The following CSF1R variants were observed in gnomAD, a reference collection of about 807,000 sequenced individuals.
CSF1R encodes the protein colony stimulating factor 1 receptor.
A neutral mutation model predicts 110.0 loss-of-function variants in CSF1R; 40 were observed. That is an observed-to-expected ratio of 0.36 (90% CI 0.28 to 0.47). CSF1R has a LOEUF of 0.47. CSF1R is among the 20% of genes least tolerant of loss of function. CSF1R has a pLI of 0.99. For synonymous variants in CSF1R, 523 were observed against 503.4 expected, an observed-to-expected ratio of 1.04 and a Z score of -0.52; for missense variants, 1,052 against 1,253.0, an observed-to-expected ratio of 0.84 and a Z score of 2.42.
At chr5:150,094,272 G>A (rs1408996184) in intron 1 of CSF1R, 2 of 1,457,638 alleles carry the variant, frequency 1.4e-6, no homozygotes, top group African/African-American at 2.8e-5. Context: ...CTTTAGAACA[G>A]AGCTTCAGTT....
chr5:150,073,263 G>T (rs772631019), intron 6 of CSF1R, 38 bp downstream of exon 6: 2 of 1,581,890 alleles, frequency 1.3e-6, no homozygotes, highest in East Asian at 4.5e-5. Flanking sequence ...ACCCCATCTG[G>T]TTGTCGGGCT....
intron 6 of CSF1R, among the ~76,000 whole-genome samples, chr5:150,070,779 A>ATCTGAAAG (rs1240016704): frequency 1.3e-5 from 2 of 152,210 alleles, no homozygotes; most frequent in African/African-American, 4.8e-5. Flanking sequence ...TGGTTTTCTT[A>ATCTGAAAG]TCTGAAAGTG....
At chr5:150,097,268 A>AGAAGGAAGGAAG (rs113029279) in intron 1 of CSF1R, among the ~76,000 whole-genome samples, 24 of 143,042 alleles carry the variant, frequency 1.7e-4, no homozygotes, top group African/African-American at 6.4e-4. Flanking sequence ...AGAAAGGGAA[A>AGAAGGAAGGAAG]GAAGGAAGGA....
chr5:150,085,803 G>A (rs1193716918), intron 1 of CSF1R, among the ~76,000 whole-genome samples: 1 of 152,122 alleles, frequency 6.6e-6, no homozygotes, highest in South Asian at 2.1e-4. Context: ...TTCCAAATCA[G>A]ATCTTGCATA....
upstream of CSF1R, among the ~76,000 whole-genome samples, chr5:150,088,167 ACTTT>A (rs1319678049): frequency 2.0e-5 from 3 of 152,176 alleles, no homozygotes; most frequent in Non-Finnish European, 2.9e-5. Context: ...GTATATATGT[ACTTT>A]CTTTTTCAGA....
intron 1 of CSF1R, among the ~76,000 whole-genome samples, chr5:150,103,239 C>T (rs181456971): frequency 2.6e-5 from 4 of 152,364 alleles, no homozygotes; most frequent in Admixed American, 2.6e-4. Context: ...CCCTGTGCCC[C>T]TTGGCGCATT....
At chr5:150,107,168 G>T (rs532239941) in intron 1 of CSF1R, among the ~76,000 whole-genome samples, 23 of 152,378 alleles carry the variant, frequency 1.5e-4, no homozygotes, top group African/African-American at 5.3e-4. Flanking sequence ...TTCAGCAAAT[G>T]CTTCATGTGT....
chr5:150,109,719 C>CT lies in CSF1R; in HGVS notation c.-181+3541dup, dbSNP rs1347882651. 4.6e-5 allele frequency among the ~76,000 whole-genome samples: 7 copies of CT among 152,302 alleles called. No homozygotes were observed. The East Asian group carries it at 1.3e-3, about 29-fold the overall frequency. On this transcript the variant is annotated intron_variant, in intron 1 of 21. Coordinates refer to the CSF1R transcript ENST00000286301. ...ATGTACTTAAAAGGGAATTTTTAGACTTCAGTGACATTTTAAATGTTTATT... is the reference window on the plus strand; with the variant it reads ...ATGTACTTAAAAGGGAATTTTTAGACTTTCAGTGACATTTTAAATGTTTATT...
chr5:150,103,688 G>A (rs767382231), intron 1 of CSF1R, among the ~76,000 whole-genome samples: 8 of 152,224 alleles, frequency 5.3e-5, no homozygotes, highest in Non-Finnish European at 1.2e-4. Context: ...GGGCCTTGAA[G>A]GAGGAGCAGC....
chr5:150,112,219 T>C lies in CSF1R; in HGVS notation c.-181+1042A>G, dbSNP rs539302046. On this transcript the variant is annotated intron_variant, in intron 1 of 21. Transcript: ENST00000286301. ...CCTCACACTTTGCCCTTGAATAAAC[T>C]TCTTTAACTAGAAAAACAAAAACAA... 1.8e-4 allele frequency among the ~76,000 whole-genome samples: 24 copies of C among 131,684 alleles called. No individual in the cohort carries two copies. The South Asian group carries it at 6.3e-3, about 35-fold the overall frequency. The allele number at this position is 131,684 out of a possible 152,430, so 86.4% of individuals were successfully genotyped here.
intron 18 of CSF1R, 144 bp downstream of exon 18, chr5:150,055,882 G>A (rs573856344): frequency 1.6e-5 from 11 of 691,862 alleles, no homozygotes; most frequent in African/African-American, 9.0e-5. Flanking sequence ...CAGGAGCCAC[G>A]ATGCTGGGTT....
At chr5:150,110,929 A>G (rs1346053782) in intron 1 of CSF1R, among the ~76,000 whole-genome samples, 2 of 145,672 alleles carry the variant, frequency 1.4e-5, no homozygotes, top group Non-Finnish European at 3.0e-5. Context: ...TTTTTTTGTC[A>G]GATCACAGGA....
chr5:150,092,633 G>A (rs1402209664), intron 1 of CSF1R, among the ~76,000 whole-genome samples: 1 of 152,126 alleles, frequency 6.6e-6, no homozygotes, highest in Non-Finnish European at 1.5e-5. Context: ...AGTATATGCA[G>A]GGGAACTCCC....
chr5:150,054,230 G>A lies in CSF1R; in HGVS notation c.2764-6C>T, dbSNP rs769777007. On this transcript the variant is annotated splice_region_variant and splice_polypyrimidine_tract_variant and intron_variant, in intron 20 of 20. Transcript: ENST00000675795. ...CTCGGCAGATTGGTATAGTCCTGAG[G>A]GTGGGAGGGACCAGAAACTGTCAGT... 14 of 1,612,570 alleles carry A rather than the reference G, an allele frequency of 8.7e-6. No homozygotes were observed. In the East Asian group the frequency reaches 2.5e-4, roughly 28 times the overall value.
intron 16 of CSF1R, among the ~76,000 whole-genome samples, chr5:150,056,914 C>T (rs946935846): frequency 1.3e-5 from 2 of 152,138 alleles, no homozygotes; most frequent in Admixed American, 6.5e-5. Flanking sequence ...CTAGGCCGAG[C>T]GCACTTTATA....
chr5:150,059,259 G>T (rs2027799), intron 14 of CSF1R, among the ~76,000 whole-genome samples: 68,940 of 151,894 alleles, frequency 0.45, 18,557 homozygotes, highest in Non-Finnish European at 0.6. Flanking sequence ...GGTAAGGCTG[G>T]TCTCGAACTC....
intron 1 of CSF1R, among the ~76,000 whole-genome samples, chr5:150,093,692 G>A (rs868502809): frequency 3.9e-5 from 6 of 152,180 alleles, no homozygotes; most frequent in African/African-American, 1.4e-4. Flanking sequence ...TAAGGCAATA[G>A]ACATGCTAAT....
In CSF1R at chr5:150,057,575, C is replaced by G. The variant is rs780914237; in HGVS notation, c.2150G>C (p.Ser717Thr). ...KYVRRDSGFS[S>T]QGVDTYVEMR... ...CTCCACATAGGTGTCCACACCCTGG[C>G]TGGAGAAGCCACTGTCCCTACATAG... Residue 717 changes from serine (S) to threonine (T), a missense_variant, in exon 15 of 21, where the codon AGC (serine) becomes ACC (threonine). This residue lies in a region of CSF1R where 124 missense variants were observed against 117.7 expected (regional missense o/e 1.05). Transcript: ENST00000675795. 8 of 1,614,152 alleles carry G rather than the reference C, an allele frequency of 5.0e-6. No homozygotes were observed. The South Asian group carries it at 8.8e-5, about 18-fold the overall frequency.
chr5:150,087,960 C>T (rs912970780), upstream of CSF1R, among the ~76,000 whole-genome samples: 2 of 152,036 alleles, frequency 1.3e-5, no homozygotes, highest in African/African-American at 4.8e-5. Flanking sequence ...GGTCTCAAAC[C>T]CCTGAGCTCA....
Sources: gnomAD v4.1 joint callset for allele counts (sites outside exome capture counted in the v4.1 genomes callset) on GRCh38, gnomAD v4.1.1 for gene constraint, gnomAD v4.1.1 regional missense constraint, MANE v1.5 for transcripts, NCBI Gene and HGNC (gene_info 2026-07-23, HGNC 2026-07-21) for gene names.